MAGI1: variants seen among roughly 807,000 people sequenced by gnomAD.
MAGI1 encodes membrane-associated guanylate kinase, WW and PDZ domain-containing protein 1.
MAGI1 carries 58 observed loss-of-function variants against 139.9 expected under a neutral mutation model. The ratio of observed to expected loss-of-function variants is 0.41; its 90% CI spans 0.34 to 0.52. The LOEUF (loss-of-function observed/expected upper bound fraction) is 0.52. Ranked by LOEUF, MAGI1 falls within the 20% of genes least tolerant of loss-of-function variation. The probability of loss-of-function intolerance (pLI) is 0.12; values close to 1 mark genes in which losing one functional copy is unlikely to be tolerated. For missense variants in MAGI1, 1,874 were observed against 1,901.6 expected (o/e 0.99, Z 0.27); for synonymous variants, 812 against 737.9 (o/e 1.10, Z -1.63).
chr3:65,550,485 A>C (rs1020113764), intron 2 of MAGI1, among the ~76,000 whole-genome samples: 1 of 152,204 alleles, frequency 6.6e-6, no homozygotes, highest in Non-Finnish European at 1.5e-5. Flanking sequence ...CTCTAGGCCA[A>C]GAAGAAAATC....
intron 2 of MAGI1, among the ~76,000 whole-genome samples, chr3:65,571,747 C>G (rs1019203459): frequency 6.6e-6 from 1 of 151,824 alleles, no homozygotes; most frequent in African/African-American, 2.4e-5. Context: ...TTGATGAATA[C>G]GTTTTGAGAG....
intron 1 of MAGI1, among the ~76,000 whole-genome samples, chr3:66,027,768 T>C (rs1332462234): frequency 6.6e-6 from 1 of 152,208 alleles, no homozygotes; most frequent in Admixed American, 6.5e-5. Context: ...TTTCTCAACC[T>C]CAGCCTTACT....
chr3:65,998,361 T>C (rs772582166), intron 1 of MAGI1, among the ~76,000 whole-genome samples: 1 of 152,138 alleles, frequency 6.6e-6, no homozygotes, highest in Non-Finnish European at 1.5e-5. Flanking sequence ...CCACACAGTT[T>C]AGGGTAGTTT....
intron 1 of MAGI1, among the ~76,000 whole-genome samples, chr3:66,030,170 T>C (rs1006933796): frequency 2.6e-5 from 4 of 152,320 alleles, no homozygotes; most frequent in Admixed American, 2.6e-4. Context: ...CAATGTTCAC[T>C]GACTTTAAGA....
chr3:65,913,986 G>GA (rs138206924), intron 1 of MAGI1: 12,688 of 152,216 alleles, frequency 0.083, 664 homozygotes, highest in Middle Eastern at 0.14. Flanking sequence ...GAGACCATTA[G>GA]AAAGGACAAA....
Position 66,033,198 on chromosome 3 carries a change from A to T in MAGI1, c.313+4798T>A, listed in dbSNP as rs1369202599. Among the ~76,000 whole-genome samples the T allele has an allele frequency of 2.0e-5, 3 of 151,856 alleles. No homozygotes were observed. In the East Asian group the frequency reaches 5.9e-4, roughly 30 times the overall value. ...GTTCGCCACCACGCCCAGCTAGTTTATGTATTTTTTGGTAGAGACTTCACC... is the reference window on the plus strand; with the variant it reads ...GTTCGCCACCACGCCCAGCTAGTTTTTGTATTTTTTGGTAGAGACTTCACC... On this transcript the variant is annotated intron_variant, in intron 1 of 22. Coordinates refer to ENST00000402939, the MANE Select transcript of MAGI1 (RefSeq NM_001033057.2).
At chr3:65,722,961 T>A (rs1487262669) in intron 1 of MAGI1, among the ~76,000 whole-genome samples, 1 of 149,886 alleles carries the variant, frequency 6.7e-6, no homozygotes, top group Non-Finnish European at 1.5e-5. Context: ...GATGTAGATA[T>A]CTGTTGTAGT....
intron 12 of MAGI1, among the ~76,000 whole-genome samples, chr3:65,406,021 C>T (rs950585516): frequency 2.0e-5 from 3 of 151,962 alleles, no homozygotes; most frequent in Admixed American, 6.6e-5. Flanking sequence ...CCGCCACGCC[C>T]GGCCTCTATA....
intron 2 of MAGI1, chr3:65,609,777 A>T (rs544824022): frequency 8.6e-6 from 3 of 347,140 alleles, no homozygotes; most frequent in South Asian, 2.4e-5. Context: ...GGGTCTCCCA[A>T]TGTTGCCCAG....
intron 3 of MAGI1, among the ~76,000 whole-genome samples, chr3:65,489,936 C>T (rs2107655203): frequency 6.6e-6 from 1 of 152,204 alleles, no homozygotes; most frequent in South Asian, 2.1e-4. Context: ...TTAAAGAGTG[C>T]TTTGTGTTGT....
At chr3:65,876,461 G>A (rs1253266080) in intron 1 of MAGI1, among the ~76,000 whole-genome samples, 1 of 152,028 alleles carries the variant, frequency 6.6e-6, no homozygotes, top group Non-Finnish European at 1.5e-5. Context: ...AAAAAGTGTG[G>A]GTTTTACGGA....
intron 6 of MAGI1, chr3:65,448,344 G>T: frequency 1.9e-6 from 1 of 523,200 alleles, no homozygotes; most frequent in East Asian, 3.3e-5. Context: ...TACCTTTGCG[G>T]TTTCAATGTT....
At chr3:65,489,119 A>G (rs954427480) in intron 3 of MAGI1, among the ~76,000 whole-genome samples, 3 of 152,022 alleles carry the variant, frequency 2.0e-5, no homozygotes, top group African/African-American at 7.3e-5. Flanking sequence ...TGGGCCTCAT[A>G]CTCCTCTTCT....
At chr3:65,404,062 G>A (rs912950848) in intron 12 of MAGI1, among the ~76,000 whole-genome samples, 7 of 152,194 alleles carry the variant, frequency 4.6e-5, no homozygotes, top group African/African-American at 1.4e-4. Flanking sequence ...CACATGTGTG[G>A]CTTTTGCCTT....
chr3:65,645,934 C>G (rs1310369358), intron 1 of MAGI1, among the ~76,000 whole-genome samples: 1 of 149,654 alleles, frequency 6.7e-6, no homozygotes, highest in Non-Finnish European at 1.5e-5. Context: ...ATAGATAAAT[C>G]AAAATAGAAT....
intron 2 of MAGI1, among the ~76,000 whole-genome samples, chr3:65,527,964 G>A (rs965790340): frequency 1.3e-5 from 2 of 151,740 alleles, no homozygotes; most frequent in African/African-American, 4.8e-5. Flanking sequence ...GTACCAATTG[G>A]CAATTTTTTA....
intron 1 of MAGI1, among the ~76,000 whole-genome samples, chr3:65,785,662 T>C (rs1161083948): frequency 3.3e-5 from 5 of 152,208 alleles, no homozygotes; most frequent in African/African-American, 9.7e-5. Flanking sequence ...CCTGGAACCA[T>C]GTCTAGCATA....
At chr3:65,899,217 T>TA (rs2061113960) in intron 1 of MAGI1, among the ~76,000 whole-genome samples, 1 of 152,168 alleles carries the variant, frequency 6.6e-6, no homozygotes, top group African/African-American at 2.4e-5. Context: ...ACGCCCAGCC[T>TA]AAAGGTGTTT....
At chr3:65,852,272 T>C (rs2059231478) in intron 1 of MAGI1, among the ~76,000 whole-genome samples, 1 of 152,202 alleles carries the variant, frequency 6.6e-6, no homozygotes, top group South Asian at 2.1e-4. Flanking sequence ...GTAGCATTGC[T>C]GTCTAGGATG....
Sources: allele counts gnomAD v4.1 joint callset (sites outside exome capture counted in the v4.1 genomes callset), GRCh38; gene constraint gnomAD v4.1.1; transcripts MANE v1.5; gene names NCBI Gene and HGNC (gene_info 2026-07-23, HGNC 2026-07-21).